Variants in EPS8 observed in about 807,000 individuals in gnomAD.
The protein encoded by EPS8 is EGFR pathway substrate 8, signaling adaptor.
EPS8 carries 42 observed loss-of-function variants against 103.8 expected under a neutral mutation model. That is an observed-to-expected ratio of 0.40 (90% CI 0.32 to 0.52). The LOEUF is 0.52. EPS8 is among the 20% of genes least tolerant of loss of function. The pLI is 0.40. For synonymous variants in EPS8, 344 were observed against 344.6 expected, an observed-to-expected ratio of 1.00 and a Z score of 0.02; for missense variants, 969 against 1,005.1, an observed-to-expected ratio of 0.96 and a Z score of 0.49.
Position 15,670,903 on chromosome 12 carries a change from G to T in EPS8, c.157C>A (p.Arg53=). 6.2e-7 allele frequency: 1 copy of T among 1,611,514 alleles called. No individual in the cohort carries two copies. Among genetic ancestry groups the T allele is most frequent in the South Asian group, 1.1e-5 (1 of 90,808 alleles). The change falls in exon 4 of 21, where the codon CGG becomes AGG. Residue 53 remains arginine, a synonymous_variant. Transcript: ENST00000281172. Reference sequence around the variant, plus strand: ...TCTGACACACTGCTGACACTGTCCCGTGCATAATTCTTCCTTTGTTCTGAA... The same window carrying T: ...TCTGACACACTGCTGACACTGTCCCTTGCATAATTCTTCCTTTGTTCTGAA... The part of the protein sequence containing the change: ...ALYEQRKNYA[R]DSVSSVSDIS...
intron 12 of EPS8, among the ~76,000 whole-genome samples, chr12:15,655,988 A>T (rs192361328): frequency 6.6e-6 from 1 of 152,210 alleles, no homozygotes; most frequent in Non-Finnish European, 1.5e-5. Flanking sequence ...AATAAGGTGT[A>T]ATTTTTGAGA....
In EPS8 at chr12:15,706,313, G is replaced by C. The variant is rs974348784; in HGVS notation, c.-21-23341C>G. ...CTGCGTGGAACCTGGGATTCAAAAG[G>C]CAAGGCGGGAAGCACTGCAGCATTG... On this transcript the variant is annotated intron_variant, in intron 1 of 20. Transcript: ENST00000281172. The surrounding 1 kb of genome is among the most constrained non-coding windows in gnomAD (Gnocchi z 5.2). Among the ~76,000 whole-genome samples the C allele has an allele frequency of 1.3e-5, 2 of 152,146 alleles. No individual in the cohort carries two copies. The highest frequency in any genetic ancestry group is 2.9e-5 in the Non-Finnish European group (2 of 68,012).
rs183121712 is a variant in EPS8, at chr12:15,731,513, G to A, written c.-21-48541C>T. Among the ~76,000 whole-genome samples, 1 of 152,226 alleles carries A rather than the reference G, an allele frequency of 6.6e-6. No homozygotes were observed. The highest frequency in any genetic ancestry group is 2.4e-5 in the African/African-American group (1 of 41,540). On this transcript the variant is annotated intron_variant, in intron 1 of 20. Coordinates refer to ENST00000281172, the MANE Select transcript of EPS8 (RefSeq NM_004447.6). This position sits in a 1 kb window ranked among gnomAD's most constrained non-coding sequence, Gnocchi z 5.1. ...GGGTTTCACCGTGTAGGCCAGGCTGGTCTCGAACTCCTGACTTCAGGTGAT... is the reference window on the plus strand; with the variant it reads ...GGGTTTCACCGTGTAGGCCAGGCTGATCTCGAACTCCTGACTTCAGGTGAT...
In EPS8 at chr12:15,658,090, G is replaced by C. The variant is rs1442230455; in HGVS notation, c.1090C>G (p.Pro364Ala). The change falls in exon 12 of 21, where the codon CCA becomes GCA. Residue 364 changes from proline to alanine, a missense_variant. Physicochemically the swap from Pro to Ala is conservative, Grantham distance 27. Coordinates refer to ENST00000281172, the MANE Select transcript of EPS8 (RefSeq NM_004447.6). ...AADLVHFLFT[P>A]LNMVVQATGG... ...TAATAAAATCTCACCATATTTAATGGAGTAAACAAAAAGTGAACCAAATCT... is the reference window on the plus strand; with the variant it reads ...TAATAAAATCTCACCATATTTAATGCAGTAAACAAAAAGTGAACCAAATCT... 1 of 1,592,064 alleles carries C rather than the reference G, an allele frequency of 6.3e-7. No homozygotes were observed. The highest frequency in any genetic ancestry group is 1.3e-5 in the African/African-American group (1 of 74,566).
rs555406504 is a variant in EPS8, at chr12:15,632,764, C to CCA, written c.1822-1102_1822-1101dup. On this transcript the variant is annotated intron_variant, in intron 17 of 20. Transcript: ENST00000281172. ...CAGAGATCAAAAACAAAAATACACA[C>CCA]CACACACAGACACATCACTTTTTAA... is the stretch of plus-strand genomic sequence containing the variant. 8.7e-3 allele frequency among the ~76,000 whole-genome samples: 1,331 copies of CCA among 152,174 alleles called. 25 individuals carry two copies. Among genetic ancestry groups the CCA allele is most frequent in the African/African-American group, 0.031 (1,277 of 41,508 alleles).
chr12:15,762,516 C>G lies in EPS8; in HGVS notation c.-22+26645G>C, dbSNP rs1055309817. Among the ~76,000 whole-genome samples the G allele has an allele frequency of 7.9e-5, 12 of 152,158 alleles. No homozygotes were observed. Among genetic ancestry groups the G allele is most frequent in the Non-Finnish European group, 1.5e-4 (10 of 68,036 alleles). Reference sequence around the variant, plus strand: ...TTGTTGCAGCACTGTTTACAATCACCAAGATTTGGAAGCAACCTAAGTGTC... The same window carrying G: ...TTGTTGCAGCACTGTTTACAATCACGAAGATTTGGAAGCAACCTAAGTGTC... On this transcript the variant is annotated intron_variant, in intron 1 of 20. Coordinates refer to ENST00000281172, the MANE Select transcript of EPS8 (RefSeq NM_004447.6). The surrounding 1 kb of genome is among the most constrained non-coding windows in gnomAD (Gnocchi z 4.8).
intron 8 of EPS8, 154 bp downstream of exon 8, chr12:15,665,602 A>AT: frequency 1.2e-6 from 1 of 829,618 alleles, no homozygotes; most frequent in Admixed American, 2.6e-5. Context: ...AAGCACTGGG[A>AT]TTACAGGCAT....
intron 10 of EPS8, among the ~76,000 whole-genome samples, chr12:15,660,278 T>C (rs1945581325): frequency 7.3e-6 from 1 of 137,918 alleles, no homozygotes; most frequent in African/African-American, 2.8e-5. Flanking sequence ...ACCAGAGTTC[T>C]TTTTTTTTTT....
In EPS8 at chr12:15,672,888, G is replaced by T. The variant is rs1451808598; in HGVS notation, c.137-1965C>A. Among the ~76,000 whole-genome samples the T allele has an allele frequency of 2.0e-5, 3 of 152,178 alleles. No individual in the cohort carries two copies. In the East Asian group the frequency reaches 5.8e-4, roughly 29 times the overall value. On this transcript the variant is annotated intron_variant, in intron 3 of 20. Transcript: ENST00000281172. ...CTTAGGACAGAAAAGAAATGGCAGT[G>T]GTTGCCATGACACCCAGTCATGATA... is the stretch of plus-strand genomic sequence containing the variant.
At chr12:15,655,037 TA>T (rs1945483105) in intron 12 of EPS8, among the ~76,000 whole-genome samples, 1 of 152,204 alleles carries the variant, frequency 6.6e-6, no homozygotes. Flanking sequence ...AGAGTCTCTT[TA>T]TAAAATCTTA....
chr12:15,692,099 T>C (rs753283742), intron 1 of EPS8, among the ~76,000 whole-genome samples: 37 of 152,230 alleles, frequency 2.4e-4, no homozygotes, highest in South Asian at 6.2e-4. Context: ...CCCTTCACGT[T>C]CCCCCTGTCT....
At chr12:15,641,574 T>C (rs1945230843) in intron 16 of EPS8, 148 bp downstream of exon 16, 1 of 424,014 alleles carries the variant, frequency 2.4e-6, no homozygotes, top group Non-Finnish European at 4.1e-6. Flanking sequence ...GGAGTATCTA[T>C]ATACCCCTAC....
rs763531827 is a variant in EPS8 at position 15,662,009 on chromosome 12, G to T, written c.810+17C>A. 1.3e-6 allele frequency: 2 copies of T among 1,594,912 alleles called. No homozygotes were observed. The highest frequency in any genetic ancestry group is 2.7e-5 in the African/African-American group (2 of 74,328). On this transcript the variant is annotated intron_variant, in intron 9 of 20. Transcript: ENST00000281172. ...TAAAAGAAAAGCCAGTGATCTAAAG[G>T]CGACTCCTGTACTTACCACATCTCT...
rs116254079 is a variant in EPS8, at chr12:15,622,579, A to G, written c.2355+579T>C. On this transcript the variant is annotated intron_variant, in intron 20 of 20. Transcript: ENST00000281172. Reference sequence around the variant, plus strand: ...TAGCACATTTTAAGTCTAAAATAGGATATTGGAAGCTTAAGTATAAAGCAA... The same window carrying G: ...TAGCACATTTTAAGTCTAAAATAGGGTATTGGAAGCTTAAGTATAAAGCAA... Among the ~76,000 whole-genome samples the G allele has an allele frequency of 9.7e-3, 1,484 of 152,258 alleles. 23 individuals are homozygous for G. Among genetic ancestry groups the G allele is most frequent in the African/African-American group, 0.034 (1,408 of 41,540 alleles).
At chr12:15,774,567 T>A (rs1039462660) in intron 1 of EPS8, among the ~76,000 whole-genome samples, 1 of 148,292 alleles carries the variant, frequency 6.7e-6, no homozygotes, top group African/African-American at 2.4e-5. Context: ...TATACATATA[T>A]ATATATATAC....
rs1946238883 is a variant in EPS8 at position 15,696,037 on chromosome 12, G to C, written c.-21-13065C>G. ...TAGCTATGAACTTCTCAAAAGTATG[G>C]GACTGAGAGATTCATTCTGAAAATG... On this transcript the variant is annotated intron_variant, in intron 1 of 20. Transcript: ENST00000281172. This position sits in a 1 kb window ranked among gnomAD's most constrained non-coding sequence, Gnocchi z 4.8. Among the ~76,000 whole-genome samples the C allele has an allele frequency of 6.6e-6, 1 of 152,130 alleles. No individual in the cohort carries two copies. The highest frequency in any genetic ancestry group is 2.1e-4 in the South Asian group (1 of 4,820).
At position 15,702,610 on chromosome 12, in the gene EPS8, CAT is replaced by C. The variant is rs578163409; in HGVS notation, c.-21-19640_-21-19639del. Among the ~76,000 whole-genome samples the C allele has an allele frequency of 3.7e-3, 556 of 152,042 alleles. 1 individual carries two copies. Among genetic ancestry groups the C allele is most frequent in the South Asian group, 7.9e-3 (38 of 4,814 alleles). The stretch of plus-strand genomic sequence containing the variant: ...TTAATGTTTTTACCTATCTCTAAAA[CAT>C]ATATCCAGTATATTAAATATGAAGA... On this transcript the variant is annotated intron_variant, in intron 1 of 20. Transcript: ENST00000281172. This position sits in a 1 kb window ranked among gnomAD's most constrained non-coding sequence, Gnocchi z 5.1.
chr12:15,752,803 T>C lies in EPS8; in HGVS notation c.-22+36358A>G, dbSNP rs1946947263. 6.6e-6 allele frequency among the ~76,000 whole-genome samples: 1 copy of C among 152,172 alleles called. No homozygotes were observed. The highest frequency in any genetic ancestry group is 1.5e-5 in the Non-Finnish European group (1 of 68,044). ...CAGTAATAATTGTAATGCCTCTTTA[T>C]ATTTATCAGTCACATAACACCTTAA... On this transcript the variant is annotated intron_variant, in intron 1 of 20. Coordinates refer to ENST00000281172, the MANE Select transcript of EPS8 (RefSeq NM_004447.6). The surrounding 1 kb of genome is among the most constrained non-coding windows in gnomAD (Gnocchi z 4.4).
Position 15,640,729 on chromosome 12 carries a change from C to G in EPS8, c.1795G>C (p.Asp599His). The change falls in exon 17 of 21, where the codon GAT becomes CAT. Residue 599 changes from aspartate to histidine, a missense_variant. Physicochemically the swap from Asp to His is moderately conservative, Grantham distance 81. Transcript: ENST00000281172. ...TGTATAGTATGAGTATAAGGTGGAT[C>G]AGCACGCCCCAATCCAGATTCTGGA... ...RPPESGLGRA[D>H]PPYTHTIQKQ... 2 of 1,613,950 alleles carry G rather than the reference C, an allele frequency of 1.2e-6. No homozygotes were observed. Among genetic ancestry groups the G allele is most frequent in the Non-Finnish European group, 1.7e-6 (2 of 1,179,870 alleles).
Sources: allele counts gnomAD v4.1 joint callset (sites outside exome capture counted in the v4.1 genomes callset), GRCh38; gene constraint gnomAD v4.1.1; non-coding constraint Gnocchi (gnomAD v3.1); transcripts MANE v1.5; gene names NCBI Gene and HGNC (gene_info 2026-07-23, HGNC 2026-07-21).